Variants in YWHAE observed in about 807,000 individuals in gnomAD.
YWHAE encodes 14-3-3 protein epsilon.
In YWHAE, 4 loss-of-function variants were observed where a neutral mutation model predicts 30.1. That is an observed-to-expected ratio of 0.13 (90% CI 0.07 to 0.30). The LOEUF is 0.30. Among genes scored for constraint, YWHAE ranks in the 10% least tolerant of loss-of-function variants. The pLI is 1.00. For missense variants in YWHAE, 121 were observed against 315.9 expected (o/e 0.38, Z 4.68); for synonymous variants, 118 against 111.8 (o/e 1.06, Z -0.35).
intron 1 of YWHAE, among the ~76,000 whole-genome samples, chr17:1,366,649 C>T (rs2072947349): frequency 6.6e-6 from 1 of 152,000 alleles, no homozygotes; most frequent in Non-Finnish European, 1.5e-5. Flanking sequence ...CTTCATAAAA[C>T]ACTACTAAAT....
At chr17:1,381,320 G>A (rs2073202575) in intron 1 of YWHAE, among the ~76,000 whole-genome samples, 1 of 152,036 alleles carries the variant, frequency 6.6e-6, no homozygotes, top group Non-Finnish European at 1.5e-5. Flanking sequence ...TTCGAGACCA[G>A]CCTGACCAAC....
At chr17:1,381,910 C>CAAAA (rs397754278) in intron 1 of YWHAE, among the ~76,000 whole-genome samples, 120 of 43,114 alleles carry the variant, frequency 2.8e-3, no homozygotes, top group African/African-American at 3.9e-3. Flanking sequence ...GACACTATGT[C>CAAAA]AAAAAAAAAA....
intron 5 of YWHAE, among the ~76,000 whole-genome samples, chr17:1,353,453 AAAGAAAAG>A (rs2072674516): frequency 3.4e-5 from 5 of 146,402 alleles, no homozygotes; most frequent in Admixed American, 2.0e-4. Context: ...AAAAAAAAGA[AAAGAAAAG>A]AAAAGAAAAG....
chr17:1,370,183 T>G (rs570358981), intron 1 of YWHAE, among the ~76,000 whole-genome samples: 114 of 134,426 alleles, frequency 8.5e-4, no homozygotes, highest in South Asian at 4.2e-3. Flanking sequence ...CTGGAGTGCC[T>G]GGGCGTGATC....
Position 1,373,482 on chromosome 17 carries a change from G to A in YWHAE, c.65-8424C>T, listed in dbSNP as rs1047871635. Among the ~76,000 whole-genome samples, 15 of 150,976 alleles carry A rather than the reference G, an allele frequency of 9.9e-5. 1 individual carries two copies. The highest frequency in any genetic ancestry group is 9.3e-4 in the Admixed American group (14 of 15,104). On this transcript the variant is annotated intron_variant, in intron 1 of 5. Coordinates refer to ENST00000264335, the MANE Select transcript of YWHAE (RefSeq NM_006761.5). Reference sequence around the variant, plus strand: ...AGATGGAGACCATCCTGGCTAACACGGTGAAACCCCGTCTCTACTAAATAT... The same window carrying A: ...AGATGGAGACCATCCTGGCTAACACAGTGAAACCCCGTCTCTACTAAATAT...
chr17:1,369,660 T>C (rs1567969241), intron 1 of YWHAE: 1 of 152,098 alleles, frequency 6.6e-6, no homozygotes. Context: ...CAATCTATTT[T>C]CCGCCTCTAC....
chr17:1,375,524 C>T (rs777532356), intron 1 of YWHAE, among the ~76,000 whole-genome samples: 6 of 152,176 alleles, frequency 3.9e-5, no homozygotes, highest in Non-Finnish European at 7.4e-5. Flanking sequence ...GAAATCACTT[C>T]TTTTGGATCC....
intron 1 of YWHAE, among the ~76,000 whole-genome samples, chr17:1,372,919 G>A (rs1163301746): frequency 6.6e-6 from 1 of 152,054 alleles, no homozygotes; most frequent in African/African-American, 2.4e-5. Flanking sequence ...CTGGGTGACA[G>A]AGTGAGACCC....
chr17:1,373,289 C>T (rs190734667), intron 1 of YWHAE, among the ~76,000 whole-genome samples: 378 of 152,098 alleles, frequency 2.5e-3, no homozygotes, highest in Middle Eastern at 0.017. Flanking sequence ...CAATTAATTT[C>T]CCTCAGTTCA....
intron 5 of YWHAE, among the ~76,000 whole-genome samples, chr17:1,351,705 C>G (rs574751490): frequency 5.9e-5 from 9 of 152,252 alleles, no homozygotes; most frequent in Admixed American, 3.9e-4. Flanking sequence ...AATCGAAGCT[C>G]ACTGCAGCCT....
intron 5 of YWHAE, among the ~76,000 whole-genome samples, chr17:1,352,528 T>A (rs2072651994): frequency 6.8e-6 from 1 of 147,786 alleles, no homozygotes; most frequent in African/African-American, 2.5e-5. Flanking sequence ...AAACGTTATC[T>A]CTTTTTTTTT....
chr17:1,396,936 T>C (rs1257343463), intron 1 of YWHAE, among the ~76,000 whole-genome samples: 1 of 151,572 alleles, frequency 6.6e-6, no homozygotes, highest in African/African-American at 2.4e-5. Flanking sequence ...TTTTTTTTTT[T>C]TGGAGACAAG....
chr17:1,400,092 G>C lies in YWHAE; in HGVS notation c.19C>G (p.Leu7Val), dbSNP rs11552915. Residue 7 changes from leucine to valine, a missense_variant, in exon 1 of 6, where the codon CTG becomes GTG. Coordinates refer to ENST00000264335, the MANE Select transcript of YWHAE (RefSeq NM_006761.5). MDDRED[L>V]VYQAKLAEQA... ...TCGGCCAGCTTCGCCTGGTACACCA[G>C]ATCCTCTCGATCATCCATAGCGGCA... is the stretch of plus-strand genomic sequence containing the variant. 1.2e-6 allele frequency: 2 copies of C among 1,613,846 alleles called. No individual in the cohort carries two copies. The highest frequency in any genetic ancestry group is 8.5e-7 in the Non-Finnish European group (1 of 1,179,922).
chr17:1,394,393 G>C (rs1030170304), intron 1 of YWHAE, among the ~76,000 whole-genome samples: 8 of 131,076 alleles, frequency 6.1e-5, no homozygotes, highest in African/African-American at 2.4e-4. Flanking sequence ...TGGGAGTCCA[G>C]GAATTCAAGA....
At chr17:1,353,886 C>A (rs2072683328) in intron 5 of YWHAE, among the ~76,000 whole-genome samples, 1 of 152,054 alleles carries the variant, frequency 6.6e-6, no homozygotes, top group Admixed American at 6.6e-5. Flanking sequence ...TTCATAAATA[C>A]CTACTGATAC....
chr17:1,365,078 G>C lies in YWHAE; in HGVS notation c.65-20C>G. The C allele has an allele frequency of 6.2e-7, 1 of 1,605,428 alleles. No homozygotes were observed. Among genetic ancestry groups the C allele is most frequent in the African/African-American group, 1.3e-5 (1 of 74,480 alleles). On this transcript the variant is annotated intron_variant, in intron 1 of 5. Transcript: ENST00000264335. ...CCATTTCTGTATGGGAAAAGGAAAAGTCAGACCTTACAAATTTGAAGTTTT... is the reference window on the plus strand; with the variant it reads ...CCATTTCTGTATGGGAAAAGGAAAACTCAGACCTTACAAATTTGAAGTTTT...
chr17:1,398,180 T>C (rs1367099315), intron 1 of YWHAE, among the ~76,000 whole-genome samples: 2 of 152,182 alleles, frequency 1.3e-5, no homozygotes, highest in African/African-American at 2.4e-5. Context: ...GTACAATTTG[T>C]TTCCTCCCAA....
intron 5 of YWHAE, among the ~76,000 whole-genome samples, chr17:1,348,536 C>G (rs2072563791): frequency 6.6e-6 from 1 of 152,174 alleles, no homozygotes; most frequent in Non-Finnish European, 1.5e-5. Flanking sequence ...TCCTAGTAAA[C>G]TGCCACTTTC....
intron 5 of YWHAE, among the ~76,000 whole-genome samples, chr17:1,345,705 C>A (rs982342236): frequency 1.3e-4 from 20 of 152,032 alleles, no homozygotes; most frequent in African/African-American, 4.8e-4. Flanking sequence ...TATTGGTCAA[C>A]AGAATGAAAA....
Sources: gnomAD v4.1 joint callset for allele counts (sites outside exome capture counted in the v4.1 genomes callset) on GRCh38, gnomAD v4.1.1 for gene constraint, MANE v1.5 for transcripts, NCBI Gene and HGNC (gene_info 2026-07-23, HGNC 2026-07-21) for gene names.